Variants in GPR179 observed in about 807,000 individuals in gnomAD.
GPR179 encodes probable G protein-coupled receptor 179.
A neutral mutation model predicts 70.8 loss-of-function variants in GPR179; 52 were observed. That is an observed-to-expected ratio of 0.73 (90% CI 0.59 to 0.93). GPR179 has a LOEUF of 0.93. Among genes scored for constraint, GPR179 ranks in the 40% least tolerant of loss-of-function variants. GPR179 has a pLI of 0.00. For synonymous variants in GPR179, 1,123 were observed against 1,169.0 expected (o/e 0.96, Z 0.80); for missense variants, 2,734 against 2,966.8 (o/e 0.92, Z 1.82).
chr17:38,331,806 G>C (rs1047342563), intron 10 of GPR179, among the ~76,000 whole-genome samples: 1 of 152,028 alleles, frequency 6.6e-6, no homozygotes, highest in African/African-American at 2.4e-5. Context: ...TAGTAGCTTG[G>C]GGACACTCAA....
rs377076624 is a variant in GPR179, at chr17:38,326,838, C to T, written c.6731G>A (p.Gly2244Glu). The T allele has an allele frequency of 9.9e-6, 16 of 1,614,100 alleles. No individual in the cohort carries two copies. Among genetic ancestry groups the T allele is most frequent in the African/African-American group, 1.3e-5 (1 of 74,932 alleles). ...IKGTMADICP[G>E]EETGVPSEES... is the part of the protein sequence containing the mutation. Reference sequence around the variant, plus strand: ...CTCAGATGGGACTCCAGTTTCCTCCCCAGGACAGATGTCTGCCATGGTACC... The same window carrying T: ...CTCAGATGGGACTCCAGTTTCCTCCTCAGGACAGATGTCTGCCATGGTACC... Residue 2244 changes from glycine (G) to glutamate (E), a missense_variant, in exon 11 of 11, where the codon GGG becomes GAG. Transcript: ENST00000616987.
chr17:38,336,978 C>T lies in GPR179; in HGVS notation c.1227G>A (p.Lys409=). 2.5e-6 allele frequency: 4 copies of T among 1,587,984 alleles called. No homozygotes were observed. Among genetic ancestry groups the T allele is most frequent in the Non-Finnish European group, 3.4e-6 (4 of 1,168,184 alleles). ...GTAGGAGGTGTGGGGCCTTCCTTGCCTTGTTCCGGCGGCAGCGGTAGGAGA... is the reference window on the plus strand; with the variant it reads ...GTAGGAGGTGTGGGGCCTTCCTTGCTTTGTTCCGGCGGCAGCGGTAGGAGA... ...MLVSYRCRRN[K]RIWASGVVLL... The change falls in exon 4 of 11, where the codon AAG becomes AAA. Residue 409 remains lysine (K), a splice_region_variant and synonymous_variant. Transcript: ENST00000616987.
In GPR179 at chr17:38,343,547, T is replaced by C. The variant is rs368767303; in HGVS notation, c.243A>G (p.Glu81=). The C allele has an allele frequency of 7.6e-5, 123 of 1,613,658 alleles. No individual in the cohort carries two copies. The highest frequency in any genetic ancestry group is 1.0e-4 in the Non-Finnish European group (122 of 1,180,024). The change falls in exon 1 of 11, where the codon GAA becomes GAG. Residue 81 remains glutamate (E), a synonymous_variant. Transcript: ENST00000616987. The surrounding 1 kb of genome is among the most constrained non-coding windows in gnomAD (Gnocchi z 4.2). ...LSQVNCSERY[E]ARGAGAMPGL... ...CTGGCATGGCTCCTGCCCCACGCGC[T>C]TCATAGCGCTCACTGCAATTCACCT...
In GPR179 at chr17:38,334,557, G is replaced by T; in HGVS notation, c.1784+147C>A. 1 of 754,316 alleles carries T rather than the reference G, an allele frequency of 1.3e-6. No homozygotes were observed. The highest frequency in any genetic ancestry group is 2.2e-6 in the Non-Finnish European group (1 of 454,760). The allele number at this position is 754,316 out of a possible 1,614,324, so 46.7% of individuals were successfully genotyped here. ...TACAGAAGGGGCATCTGGGGGGTAGGGAGAGAGCCAGAAGTGGGGGCCTTC... is the reference window on the plus strand; with the variant it reads ...TACAGAAGGGGCATCTGGGGGGTAGTGAGAGAGCCAGAAGTGGGGGCCTTC... On this transcript the variant is annotated intron_variant, in intron 8 of 10. Transcript: ENST00000616987. The surrounding 1 kb of genome is among the most constrained non-coding windows in gnomAD (Gnocchi z 4.7).
chr17:38,328,624 C>A lies in GPR179; in HGVS notation c.4945G>T (p.Gly1649Cys). 1 of 1,614,050 alleles carries A rather than the reference C, an allele frequency of 6.2e-7. No homozygotes were observed. The highest frequency in any genetic ancestry group is 8.5e-7 in the Non-Finnish European group (1 of 1,179,992). Residue 1649 changes from glycine (G) to cysteine (C), a missense_variant, in exon 11 of 11, where the codon GGC becomes TGC. Coordinates refer to ENST00000616987, the MANE Select transcript of GPR179 (RefSeq NM_001004334.4). Reference protein sequence around the residue: ...EGQIQKQEAVGPWESVDPGSF... With the variant: ...EGQIQKQEAVCPWESVDPGSF... ...CCAGGGTCCACACTCTCCCAGGGGCCGACCGCTTCTTGCTTTTGGATCTGC... is the reference window on the plus strand; with the variant it reads ...CCAGGGTCCACACTCTCCCAGGGGCAGACCGCTTCTTGCTTTTGGATCTGC...
rs758087686 is a variant in GPR179 at position 38,333,963 on chromosome 17, G to A, written c.1860C>T (p.Thr620=). The change falls in exon 9 of 11, where the codon ACC becomes ACT. Residue 620 remains threonine, a synonymous_variant. Transcript: ENST00000616987. ...GGATGAAGATCAGAGCCAGCGTGGT[G>A]GTGACTGTGCTGTGGGTGTGGAAGA... ...LFFFHTHSTV[T]TTLALIFIPK... is the part of the protein sequence containing the mutation. 6 of 1,613,658 alleles carry A rather than the reference G, an allele frequency of 3.7e-6. No individual in the cohort carries two copies. The Admixed American group carries it at 6.7e-5, about 18-fold the overall frequency.
intron 1 of GPR179, among the ~76,000 whole-genome samples, chr17:38,342,619 G>A (rs773698064): frequency 8.5e-5 from 13 of 152,318 alleles, no homozygotes; most frequent in Non-Finnish European, 1.2e-4. Context: ...GATTACAGGC[G>A]TGAGCCACTG....
Position 38,334,173 on chromosome 17 carries a change from C to T in GPR179, c.1785-135G>A, listed in dbSNP as rs915245607. On this transcript the variant is annotated intron_variant, in intron 8 of 10. Coordinates refer to ENST00000616987, the MANE Select transcript of GPR179 (RefSeq NM_001004334.4). The surrounding 1 kb of genome is among the most constrained non-coding windows in gnomAD (Gnocchi z 4.7). ...AGGGGGCATTCTGCCCTCTCCTGCC[C>T]TCTCCAGGATTTAGGTCCCACTTCA... The T allele has an allele frequency of 1.6e-5, 11 of 698,254 alleles. No individual in the cohort carries two copies. The highest frequency in any genetic ancestry group is 2.6e-5 in the Non-Finnish European group (10 of 388,402). The allele number at this position is 698,254 out of a possible 1,614,324, so 43.3% of individuals were successfully genotyped here.
chr17:38,337,728 G>C lies in GPR179; in HGVS notation c.904-8C>G. The C allele has an allele frequency of 6.2e-7, 1 of 1,610,388 alleles. No homozygotes were observed. ...ACTCTCCAGGGGGACACACTATGGG[G>C]ACAACAAACACAGTATGTGTTTATG... is the stretch of plus-strand genomic sequence containing the variant. On this transcript the variant is annotated splice_region_variant and splice_polypyrimidine_tract_variant and intron_variant, in intron 2 of 10. Coordinates refer to ENST00000616987, the MANE Select transcript of GPR179 (RefSeq NM_001004334.4).
rs958339415 is a variant in GPR179, at chr17:38,337,238, G to T, written c.992-25C>A. 2.5e-6 allele frequency: 4 copies of T among 1,578,866 alleles called. No homozygotes were observed. The African/African-American group carries it at 5.4e-5, about 21-fold the overall frequency. On this transcript the variant is annotated intron_variant, in intron 3 of 10. Transcript: ENST00000616987. Reference sequence around the variant, plus strand: ...CCTATAAAGAACAAGATGAGTGCAGGGAGAGGGGCCCAGCTAGAGCATCCT... The same window carrying T: ...CCTATAAAGAACAAGATGAGTGCAGTGAGAGGGGCCCAGCTAGAGCATCCT...
chr17:38,329,513 A>C lies in GPR179; in HGVS notation c.4056T>G (p.Ser1352Arg). Residue 1352 changes from serine (S) to arginine (R), a missense_variant, in exon 11 of 11, where the codon AGT becomes AGG. Transcript: ENST00000616987. ...RIRDKSEAGDSVEARKVEKPG... is the reference protein window; with the variant it reads ...RIRDKSEAGDRVEARKVEKPG... ...GCTTCTCCACCTTCCTGGCCTCCAC[A>C]CTGTCCCCCGCCTCAGATTTGTCTC... 6.2e-7 allele frequency: 1 copy of C among 1,613,140 alleles called. No individual in the cohort carries two copies. The highest frequency in any genetic ancestry group is 8.5e-7 in the Non-Finnish European group (1 of 1,179,766).
Position 38,331,322 on chromosome 17 carries a change from G to A in GPR179, c.2247C>T (p.Ser749=), listed in dbSNP as rs773253527. ...GSPGHGSLPG[S]SRRRLLSSSL... ...TGGAGCTGAGGAGCCGGCGGCGGGA[G>A]GAGCCGGGCAGGCTGCCGTGGCCTG... The change falls in exon 11 of 11, where the codon TCC becomes TCT. Residue 749 remains serine (S), a synonymous_variant. Transcript: ENST00000616987. 1.2e-6 allele frequency: 2 copies of A among 1,607,580 alleles called. No homozygotes were observed. Among genetic ancestry groups the A allele is most frequent in the Admixed American group, 1.7e-5 (1 of 59,240 alleles).
chr17:38,328,225 C>T lies in GPR179; in HGVS notation c.5344G>A (p.Asp1782Asn), dbSNP rs191013513. 129 of 1,613,776 alleles carry T rather than the reference C, an allele frequency of 8.0e-5. No homozygotes were observed. The highest frequency in any genetic ancestry group is 6.3e-4 in the Admixed American group (38 of 60,014). ...TCCTGGAACCCAGCTTTTGGTCCAT[C>T]AGCATCTAGAGTACCTGGATGCTGA... is the stretch of plus-strand genomic sequence containing the variant. ...CSQHPGTLDA[D>N]GPKAGFQELD... is the part of the protein sequence containing the mutation. The change falls in exon 11 of 11, where the codon GAT (aspartate) becomes AAT (asparagine). Residue 1782 changes from aspartate to asparagine, a missense_variant. Asp to Asn is a conservative substitution (Grantham distance 23, BLOSUM62 1). Coordinates refer to ENST00000616987, the MANE Select transcript of GPR179 (RefSeq NM_001004334.4).
chr17:38,333,372 C>T lies in GPR179; in HGVS notation c.1916G>A (p.Arg639Gln), dbSNP rs62073369. The change falls in exon 10 of 11, where the codon CGG (arginine) becomes CAG (glutamine). Residue 639 changes from arginine (R) to glutamine (Q), a missense_variant. Arg to Gln is a conservative substitution (Grantham distance 43, BLOSUM62 1). Transcript: ENST00000616987. ...PKFWKLGAPP[R>Q]EEMVDEVCED... ...ACACACCTCATCCACCATCTCCTCC[C>T]GGGGAGGAGCCCCCAGCTTCCAGAA... 84 of 1,613,866 alleles carry T rather than the reference C, an allele frequency of 5.2e-5. No individual in the cohort carries two copies. Among genetic ancestry groups the T allele is most frequent in the East Asian group, 3.1e-4 (14 of 44,852 alleles).
In GPR179 at chr17:38,327,333, C is replaced by G. The variant is rs772326284; in HGVS notation, c.6236G>C (p.Ser2079Thr). 1 of 1,614,240 alleles carries G rather than the reference C, an allele frequency of 6.2e-7. No homozygotes were observed. Among genetic ancestry groups the G allele is most frequent in the Admixed American group, 1.7e-5 (1 of 60,028 alleles). The change falls in exon 11 of 11, where the codon AGT (serine) becomes ACT (threonine). Residue 2079 changes from serine to threonine, a missense_variant. Physicochemically the swap from Ser to Thr is moderately conservative, Grantham distance 58. Transcript: ENST00000616987. ...RQQEAVCPWE[S>T]QDGKGLSPQP... ...TGGGGACAGACCCTTGCCATCTTGA[C>G]TCTCCCAGGGACACACAGCCTCCTG...
Position 38,329,924 on chromosome 17 carries a change from T to A in GPR179, c.3645A>T (p.Ser1215=). ...CCTGCCACCCGACAGGGGTTTCTTT[T>A]GATTGCTTGATGTTTTTGTCCCTGG... ...QVSRDKNIKQ[S]KETPVGWQEL... The change falls in exon 11 of 11, where the codon TCA becomes TCT. Residue 1215 remains serine (S), a synonymous_variant. Transcript: ENST00000616987. The A allele has an allele frequency of 6.2e-7, 1 of 1,614,226 alleles. No homozygotes were observed. The highest frequency in any genetic ancestry group is 8.5e-7 in the Non-Finnish European group (1 of 1,180,040).
In GPR179 at chr17:38,343,707, C is replaced by T. The variant is rs867589986; in HGVS notation, c.83G>A (p.Gly28Asp). The stretch of plus-strand genomic sequence containing the variant: ...GGGCAGAGAGCGGATGGGCCGTGGA[C>T]CCCCCAGAGCCCAGGCACAGACAAA... ...CCFVCAWALG[G>D]PRPIRSLPPL... Residue 28 changes from glycine (G) to aspartate (D), a missense_variant, in exon 1 of 11, where the codon GGT (glycine) becomes GAT (aspartate). By Grantham distance (94) the Gly-to-Asp change is moderately conservative. Coordinates refer to ENST00000616987, the MANE Select transcript of GPR179 (RefSeq NM_001004334.4). This position sits in a 1 kb window ranked among gnomAD's most constrained non-coding sequence, Gnocchi z 4.2. The T allele has an allele frequency of 3.1e-6, 5 of 1,588,700 alleles. No individual in the cohort carries two copies. The highest frequency in any genetic ancestry group is 2.7e-5 in the African/African-American group (2 of 74,346).
chr17:38,343,046 T>C lies in GPR179; in HGVS notation c.744A>G (p.Thr248=). 1 of 1,613,324 alleles carries C rather than the reference T, an allele frequency of 6.2e-7. No homozygotes were observed. Among genetic ancestry groups the C allele is most frequent in the Non-Finnish European group, 8.5e-7 (1 of 1,179,628 alleles). The change falls in exon 1 of 11, where the codon ACA becomes ACG. Residue 248 remains threonine, a synonymous_variant. Coordinates refer to ENST00000616987, the MANE Select transcript of GPR179 (RefSeq NM_001004334.4). This position sits in a 1 kb window ranked among gnomAD's most constrained non-coding sequence, Gnocchi z 4.2. The stretch of plus-strand genomic sequence containing the variant: ...TGAGTCCATAGAAGGTGGCAGAGAG[T>C]GTGATCAGCCATCCAGGTCGGAGCC... The part of the protein sequence containing the change: ...EGRLRPGWLI[T]LSATFYGLKP...
At chr17:38,335,560 G>A (rs2037397192) in intron 6 of GPR179, 31 bp downstream of exon 6, 1 of 1,463,222 alleles carries the variant, frequency 6.8e-7, no homozygotes, top group Non-Finnish European at 9.6e-7. Flanking sequence ...GGGATGAGCA[G>A]CATGAGAGCA....
Sources: gnomAD v4.1 joint callset for allele counts (sites outside exome capture counted in the v4.1 genomes callset) on GRCh38, gnomAD v4.1.1 for gene constraint, Gnocchi (gnomAD v3.1) non-coding constraint, MANE v1.5 for transcripts, NCBI Gene and HGNC (gene_info 2026-07-23, HGNC 2026-07-21) for gene names.